The following IGF1R variants were observed in gnomAD, a reference collection of about 807,000 sequenced individuals.
IGF1R encodes the protein insulin like growth factor 1 receptor.
A neutral mutation model predicts 144.6 loss-of-function variants in IGF1R; 44 were observed. The ratio of observed to expected loss-of-function variants is 0.30; its 90% CI spans 0.24 to 0.39. The LOEUF (loss-of-function observed/expected upper bound fraction) is 0.39, where lower values mean the gene tolerates loss of function less well. Ranked by LOEUF, IGF1R falls within the 10% of genes least tolerant of loss-of-function variation. The pLI is 1.00. For synonymous variants in IGF1R, 795 were observed against 722.8 expected (o/e 1.10, Z -1.60); for missense variants, 1,355 against 1,833.7 (o/e 0.74, Z 4.77).
chr15:98,751,631 C>A (rs74608819), intron 2 of IGF1R, among the ~76,000 whole-genome samples: 2,649 of 152,234 alleles, frequency 0.017, 80 homozygotes, highest in African/African-American at 0.061. Context: ...AATCTTTGTC[C>A]TTTATTTCAA....
intron 17 of IGF1R, among the ~76,000 whole-genome samples, chr15:98,936,215 TC>T (rs1425369284): frequency 1.3e-5 from 2 of 152,202 alleles, no homozygotes; most frequent in Non-Finnish European, 2.9e-5. Flanking sequence ...GAATGAATGA[TC>T]CCACCTCAGC....
chr15:98,876,755 A>G (rs1308339533), intron 2 of IGF1R, among the ~76,000 whole-genome samples: 2 of 152,184 alleles, frequency 1.3e-5, no homozygotes, highest in African/African-American at 4.8e-5. Flanking sequence ...TCTTTGGTAC[A>G]GTTCCCCCAA....
At chr15:98,871,914 T>G (rs2012806048) in intron 2 of IGF1R, among the ~76,000 whole-genome samples, 1 of 152,206 alleles carries the variant, frequency 6.6e-6, no homozygotes, top group Non-Finnish European at 1.5e-5. Flanking sequence ...ATTGGGAGTT[T>G]GTTTGTTTGT....
chr15:98,881,437 C>T (rs28630494), intron 2 of IGF1R, among the ~76,000 whole-genome samples: 2,639 of 152,354 alleles, frequency 0.017, 82 homozygotes, highest in African/African-American at 0.06. Context: ...TCTCCTGCCT[C>T]GGCCTCCCGA....
intron 2 of IGF1R, among the ~76,000 whole-genome samples, chr15:98,730,564 C>G (rs925772092): frequency 6.6e-6 from 1 of 152,192 alleles, no homozygotes; most frequent in Admixed American, 6.5e-5. Context: ...TGAGGTCAGC[C>G]TCCTGTTTTC....
At chr15:98,808,012 G>A (rs2056504136) in intron 2 of IGF1R, among the ~76,000 whole-genome samples, 1 of 152,142 alleles carries the variant, frequency 6.6e-6, no homozygotes, top group Admixed American at 6.5e-5. Context: ...TTTTGGTGGT[G>A]AGGTACTATT....
intron 2 of IGF1R, among the ~76,000 whole-genome samples, chr15:98,744,297 T>C (rs1016218619): frequency 3.3e-5 from 5 of 151,778 alleles, no homozygotes; most frequent in Admixed American, 3.3e-4. Context: ...AGGAGGGTTT[T>C]AAGGAGAACA....
At chr15:98,671,106 G>A (rs951709027) in intron 1 of IGF1R, among the ~76,000 whole-genome samples, 1 of 152,218 alleles carries the variant, frequency 6.6e-6, no homozygotes, top group African/African-American at 2.4e-5. Flanking sequence ...TGCAGAGTGA[G>A]CCCCGCTCTG....
chr15:98,712,043 G>A (rs1351120105), intron 2 of IGF1R, among the ~76,000 whole-genome samples: 3 of 152,152 alleles, frequency 2.0e-5, no homozygotes, highest in African/African-American at 7.2e-5. Flanking sequence ...ACCTCCCAGA[G>A]CCATCATACT....
intron 2 of IGF1R, among the ~76,000 whole-genome samples, chr15:98,872,178 A>C (rs919427646): frequency 1.1e-4 from 17 of 152,266 alleles, no homozygotes; most frequent in African/African-American, 4.1e-4. Context: ...GAATGGATTG[A>C]AGAACAGTGC....
At chr15:98,831,971 G>A (rs1364251265) in intron 2 of IGF1R, among the ~76,000 whole-genome samples, 1 of 152,090 alleles carries the variant, frequency 6.6e-6, no homozygotes, top group Admixed American at 6.6e-5. Context: ...TGTGCTTTGC[G>A]AGAGACAAAG....
chr15:98,925,280 T>C (rs2015668133), intron 13 of IGF1R, among the ~76,000 whole-genome samples: 1 of 152,192 alleles, frequency 6.6e-6, no homozygotes, highest in African/African-American at 2.4e-5. Flanking sequence ...GCTCAAGTCA[T>C]TAACAAGACA....
chr15:98,726,951 C>A (rs1030677911), intron 2 of IGF1R, among the ~76,000 whole-genome samples: 2 of 152,006 alleles, frequency 1.3e-5, no homozygotes, highest in Non-Finnish European at 1.5e-5. Flanking sequence ...GAACTCCTGA[C>A]CTCAGGTGAT....
intron 4 of IGF1R, 60 bp from the exon 5 acceptor site, chr15:98,899,417 C>A: frequency 6.5e-7 from 1 of 1,544,510 alleles, no homozygotes. Context: ...TTGTAAGAAT[C>A]CAAGTATGTC....
intron 2 of IGF1R, among the ~76,000 whole-genome samples, chr15:98,862,680 G>T (rs1806830727): frequency 1.3e-5 from 2 of 152,174 alleles, no homozygotes; most frequent in Non-Finnish European, 2.9e-5. Context: ...TGGGATTTTT[G>T]AGTTTGTCAG....
At chr15:98,824,993 C>T (rs749971657) in intron 2 of IGF1R, among the ~76,000 whole-genome samples, 11 of 152,080 alleles carry the variant, frequency 7.2e-5, no homozygotes, top group Admixed American at 1.3e-4. Flanking sequence ...CGCGCCATCA[C>T]ACCTGGCTAA....
At chr15:98,880,590 A>C (rs961977466) in intron 2 of IGF1R, 1 of 152,234 alleles carries the variant, frequency 6.6e-6, no homozygotes, top group African/African-American at 2.4e-5. Flanking sequence ...CCTTGATTAT[A>C]TACACCACCA....
intron 2 of IGF1R, among the ~76,000 whole-genome samples, chr15:98,712,859 C>T (rs774585560): frequency 6.6e-6 from 1 of 150,458 alleles, no homozygotes; most frequent in Non-Finnish European, 1.5e-5. Context: ...ATCCACCGGT[C>T]TTGGCCTCCC....
At chr15:98,755,515 T>A (rs759237894) in intron 2 of IGF1R, among the ~76,000 whole-genome samples, 5 of 151,398 alleles carry the variant, frequency 3.3e-5, no homozygotes, top group South Asian at 4.2e-4. Context: ...CTGAAGTGGG[T>A]GGATCACCTG....
Sources: allele counts gnomAD v4.1 joint callset (sites outside exome capture counted in the v4.1 genomes callset), GRCh38; gene constraint gnomAD v4.1.1; transcripts MANE v1.5; gene names NCBI Gene and HGNC (gene_info 2026-07-23, HGNC 2026-07-21).